FGF14: variants seen among roughly 807,000 people sequenced by gnomAD.
The protein encoded by FGF14 is fibroblast growth factor 14.
FGF14 carries 5 observed loss-of-function variants against 25.5 expected under a neutral mutation model. The ratio of observed to expected loss-of-function variants is 0.20; its 90% CI spans 0.10 to 0.41. The LOEUF (loss-of-function observed/expected upper bound fraction) is 0.41. Among genes scored for constraint, FGF14 ranks in the 10% least tolerant of loss-of-function variants. FGF14 has a pLI of 1.00. For synonymous variants in FGF14, 138 were observed against 118.3 expected (o/e 1.17, Z -1.08); for missense variants, 222 against 320.1 (o/e 0.69, Z 2.34).
At chr13:101,988,659 G>C (rs1485767204) in intron 1 of FGF14, among the ~76,000 whole-genome samples, 1 of 130,112 alleles carries the variant, frequency 7.7e-6, no homozygotes, top group African/African-American at 2.9e-5. Context: ...TGAACAATGA[G>C]AACACATGGA....
At chr13:102,308,939 A>AC (rs2055568557) in intron 1 of FGF14, among the ~76,000 whole-genome samples, 1 of 149,664 alleles carries the variant, frequency 6.7e-6, no homozygotes, top group African/African-American at 2.4e-5. Flanking sequence ...AAAAAACACA[A>AC]AAAAAACAGA....
chr13:101,913,977 A>T (rs963838078), intron 1 of FGF14, among the ~76,000 whole-genome samples: 2 of 152,132 alleles, frequency 1.3e-5, no homozygotes, highest in Non-Finnish European at 2.9e-5. Context: ...TGCTGTATGT[A>T]TATATAATAC....
At chr13:102,056,588 A>C (rs2042438205) in intron 1 of FGF14, among the ~76,000 whole-genome samples, 1 of 152,156 alleles carries the variant, frequency 6.6e-6, no homozygotes, top group Non-Finnish European at 1.5e-5. Flanking sequence ...ATAAATACTC[A>C]CAATACAGCA....
intron 1 of FGF14, among the ~76,000 whole-genome samples, chr13:102,067,663 C>T (rs2042958767): frequency 6.7e-6 from 1 of 149,454 alleles, no homozygotes; most frequent in Admixed American, 6.7e-5. Flanking sequence ...CTACAAAAAC[C>T]TCAAAAAGGC....
chr13:101,821,003 A>T (rs997251666), intron 3 of FGF14, among the ~76,000 whole-genome samples: 10 of 145,536 alleles, frequency 6.9e-5, no homozygotes, highest in South Asian at 2.3e-4. Context: ...GCTGGAGTGC[A>T]GTGGCATGAT....
intron 1 of FGF14, chr13:102,292,719 T>C (rs2141273290): frequency 6.6e-6 from 1 of 152,330 alleles, no homozygotes; most frequent in East Asian, 1.9e-4. Context: ...ATACAGTTTT[T>C]AAAATATGGA....
chr13:101,743,514 C>A (rs1039616151), intron 3 of FGF14, among the ~76,000 whole-genome samples: 8 of 152,148 alleles, frequency 5.3e-5, no homozygotes, highest in South Asian at 2.1e-4. Flanking sequence ...TAATTTGTAA[C>A]AAAATATTAA....
chr13:102,047,641 G>C (rs1298698365), intron 1 of FGF14, among the ~76,000 whole-genome samples: 2 of 152,070 alleles, frequency 1.3e-5, no homozygotes, highest in Non-Finnish European at 2.9e-5. Context: ...AGAACACATG[G>C]ACACAGGAAG....
intron 3 of FGF14, among the ~76,000 whole-genome samples, chr13:101,733,944 T>TATAA (rs1484501384): frequency 6.6e-6 from 1 of 151,692 alleles, no homozygotes; most frequent in African/African-American, 2.4e-5. Context: ...ACTTATTCAA[T>TATAA]ATAAATATGT....
At chr13:102,161,814 C>T (rs919116541) in intron 1 of FGF14, among the ~76,000 whole-genome samples, 13 of 148,950 alleles carry the variant, frequency 8.7e-5, no homozygotes, top group South Asian at 2.1e-4. Flanking sequence ...CAATATAGTG[C>T]GCCTAGAAGA....
rs1054728868 is a variant in FGF14 at position 102,220,328 on chromosome 13, T to C, written c.208+181143A>G. 4.6e-5 allele frequency among the ~76,000 whole-genome samples: 7 copies of C among 152,254 alleles called. No homozygotes were observed. The East Asian group carries it at 1.2e-3, about 25-fold the overall frequency. On this transcript the variant is annotated intron_variant, in intron 1 of 4. Transcript: ENST00000376131. ...TCATATAAGCAATTCACTAAGAAGA[T>C]AGATTCCAAAGAAAAAATTTCTAAA...
chr13:102,214,827 G>A lies in FGF14; in HGVS notation c.208+186644C>T, dbSNP rs570371365. ...ATCTGATAATGCATAGGACAGCCCC[G>A]CAGATAAAAAATTATCCAGCCCAAA... is the stretch of plus-strand genomic sequence containing the variant. On this transcript the variant is annotated intron_variant, in intron 1 of 4. Transcript: ENST00000376131. 7.8e-4 allele frequency among the ~76,000 whole-genome samples: 119 copies of A among 152,250 alleles called. 2 individuals are homozygous for A. The Middle Eastern group carries it at 0.01, about 13-fold the overall frequency.
At chr13:101,913,770 A>C (rs549640493) in intron 1 of FGF14, among the ~76,000 whole-genome samples, 1 of 151,836 alleles carries the variant, frequency 6.6e-6, no homozygotes, top group Non-Finnish European at 1.5e-5. Flanking sequence ...AGTGTTGCCC[A>C]CCCTGACTAC....
chr13:101,991,302 C>T (rs1025910019), intron 1 of FGF14, among the ~76,000 whole-genome samples: 1 of 151,982 alleles, frequency 6.6e-6, no homozygotes, highest in Non-Finnish European at 1.5e-5. Flanking sequence ...GATGTCTCTT[C>T]CATAAGGAAA....
At chr13:101,970,103 G>T (rs1283056259) in intron 1 of FGF14, among the ~76,000 whole-genome samples, 1 of 152,146 alleles carries the variant, frequency 6.6e-6, no homozygotes, top group Non-Finnish European at 1.5e-5. Flanking sequence ...TCAAGTCTGG[G>T]AGACCCCACT....
chr13:102,215,132 A>T (rs2050317462), intron 1 of FGF14, among the ~76,000 whole-genome samples: 1 of 152,220 alleles, frequency 6.6e-6, no homozygotes, highest in South Asian at 2.1e-4. Flanking sequence ...CTTTTGGTTC[A>T]TATGCAAATT....
At chr13:102,292,258 T>C (rs1284697673) in intron 1 of FGF14, 1 of 130,214 alleles carries the variant, frequency 7.7e-6, no homozygotes, top group Non-Finnish European at 1.6e-5. Context: ...GCCAAATATT[T>C]CCTACCTTAT....
intron 1 of FGF14, among the ~76,000 whole-genome samples, chr13:102,339,002 T>C (rs1290027353): frequency 3.3e-5 from 3 of 91,774 alleles, no homozygotes; most frequent in Admixed American, 1.3e-4. Context: ...AGAGTAAGAC[T>C]CTGTCTCAAA....
chr13:102,284,523 T>C (rs1190081367), intron 1 of FGF14, among the ~76,000 whole-genome samples: 1 of 152,172 alleles, frequency 6.6e-6, no homozygotes, highest in African/African-American at 2.4e-5. Context: ...AAAAAAATAT[T>C]ATTTAAAAAT....
Sources: allele counts gnomAD v4.1 joint callset (sites outside exome capture counted in the v4.1 genomes callset), GRCh38; gene constraint gnomAD v4.1.1; transcripts MANE v1.5; gene names NCBI Gene and HGNC (gene_info 2026-07-23, HGNC 2026-07-21).